Variants in EPHA4 observed in about 807,000 individuals in gnomAD.
EPHA4 encodes EPH receptor A4, also known as ephrin type-A receptor 4.
In EPHA4, 19 loss-of-function variants were observed where a neutral mutation model predicts 108.3. The observed-to-expected ratio is 0.18, with a 90% CI of 0.12 to 0.26. EPHA4 has a LOEUF of 0.26. EPHA4 is among the 10% of genes least tolerant of loss of function. The pLI is 1.00. For synonymous variants in EPHA4, 449 were observed against 455.5 expected, an observed-to-expected ratio of 0.99 and a Z score of 0.18; for missense variants, 917 against 1,254.0, an observed-to-expected ratio of 0.73 and a Z score of 4.06.
At chr2:221,463,564 A>G (rs1420380320) in intron 5 of EPHA4, among the ~76,000 whole-genome samples, 2 of 152,180 alleles carry the variant, frequency 1.3e-5, no homozygotes, top group African/African-American at 4.8e-5. Flanking sequence ...GGTGCATTTC[A>G]CAAGGAGAAA....
intron 6 of EPHA4, among the ~76,000 whole-genome samples, chr2:221,457,613 A>T (rs1691000466): frequency 6.6e-6 from 1 of 152,238 alleles, no homozygotes; most frequent in African/African-American, 2.4e-5. Context: ...AACTAAGTAA[A>T]TGATAAATTT....
intron 3 of EPHA4, among the ~76,000 whole-genome samples, chr2:221,533,246 A>C (rs940272221): frequency 2.6e-5 from 4 of 152,194 alleles, no homozygotes; most frequent in Admixed American, 2.0e-4. Context: ...ATAGCTCCAA[A>C]AACTTTTTTG....
In EPHA4 at chr2:221,536,953, G is replaced by A. The variant is rs768678337; in HGVS notation, c.823+26778C>T. On this transcript the variant is annotated intron_variant, in intron 3 of 17. Coordinates refer to ENST00000281821, the MANE Select transcript of EPHA4 (RefSeq NM_004438.5). ...AATAAAGTGCTTAGCACAAAGCCAA[G>A]TTCTCATCAGGTAAATACATAGCGA... is the stretch of plus-strand genomic sequence containing the variant. 6.0e-4 allele frequency among the ~76,000 whole-genome samples: 92 copies of A among 152,168 alleles called. 1 individual carries two copies. Among genetic ancestry groups the A allele is most frequent in the Non-Finnish European group, 1.9e-4 (13 of 68,032 alleles).
At chr2:221,526,747 T>C (rs944673130) in intron 3 of EPHA4, among the ~76,000 whole-genome samples, 10 of 150,812 alleles carry the variant, frequency 6.6e-5, no homozygotes, top group Non-Finnish European at 1.2e-4. Flanking sequence ...CTCGGGAGGC[T>C]GAGGCAGGAG....
In EPHA4 at chr2:221,514,088, CG is replaced by C. The variant is rs200867792; in HGVS notation, c.824-12917del. ...CGGACTCAGTTATACTCCTGTAAGC[CG>C]GGGGGAGGGGGTTTGAAAATCTACT... On this transcript the variant is annotated intron_variant, in intron 3 of 17. Coordinates refer to ENST00000281821, the MANE Select transcript of EPHA4 (RefSeq NM_004438.5). Among the ~76,000 whole-genome samples the C allele has an allele frequency of 1.8e-3, 207 of 118,248 alleles. 1 individual carries two copies. The highest frequency in any genetic ancestry group is 8.8e-3 in the African/African-American group (194 of 21,994). The allele number at this position is 118,248 out of a possible 152,430, so 77.6% of individuals were successfully genotyped here. A position where few individuals can be genotyped will look rare whatever the true frequency, so the allele number is the denominator to read the frequency against.
chr2:221,572,124 G>A, intron 1 of EPHA4, 34 bp downstream of exon 1: 2 of 1,586,846 alleles, frequency 1.3e-6, no homozygotes, highest in South Asian at 1.1e-5. Context: ...GCCCCTCGCT[G>A]TCCCCGACCA....
intron 4 of EPHA4, among the ~76,000 whole-genome samples, chr2:221,497,666 G>A (rs1692338970): frequency 6.6e-6 from 1 of 151,464 alleles, no homozygotes; most frequent in Non-Finnish European, 1.5e-5. Flanking sequence ...AACCCGGGAG[G>A]TGGAGGTTGC....
chr2:221,528,381 C>T (rs1253861536), intron 3 of EPHA4, among the ~76,000 whole-genome samples: 2 of 152,124 alleles, frequency 1.3e-5, no homozygotes, highest in African/African-American at 4.8e-5. Flanking sequence ...GATGCATCAG[C>T]AACAGCAATA....
intron 9 of EPHA4, among the ~76,000 whole-genome samples, 154 bp downstream of exon 9, chr2:221,445,969 A>C (rs949079674): frequency 7.2e-5 from 11 of 152,284 alleles, no homozygotes; most frequent in Non-Finnish European, 1.6e-4. Flanking sequence ...CACCCATTTC[A>C]GTTTGATACC....
chr2:221,435,860 C>T (rs778487220), intron 13 of EPHA4, among the ~76,000 whole-genome samples: 1 of 150,394 alleles, frequency 6.6e-6, no homozygotes, highest in African/African-American at 2.5e-5. Context: ...CAACTAGAAA[C>T]ATTGCTTTGT....
At chr2:221,536,379 T>C (rs1400961793) in intron 3 of EPHA4, among the ~76,000 whole-genome samples, 2 of 152,220 alleles carry the variant, frequency 1.3e-5, no homozygotes, top group African/African-American at 2.4e-5. Context: ...TTTTAATCCC[T>C]GTACTAGAAT....
intron 3 of EPHA4, chr2:221,502,429 A>T (rs1332645544): frequency 2.2e-6 from 1 of 459,066 alleles, no homozygotes; most frequent in Admixed American, 2.4e-5. Flanking sequence ...ACTTGTCTAT[A>T]CTATCAGAAA....
chr2:221,547,878 T>C (rs561326936), intron 3 of EPHA4, among the ~76,000 whole-genome samples: 23 of 152,338 alleles, frequency 1.5e-4, no homozygotes, highest in African/African-American at 4.8e-4. Context: ...TACAAGGCTG[T>C]TTAAGGATGA....
At position 221,418,650 on chromosome 2, in the gene EPHA4, A is replaced by T. The variant is rs1219164839; in HGVS notation, c.*2722T>A. 1 of 152,516 alleles carries T rather than the reference A, an allele frequency of 6.6e-6. No homozygotes were observed. Among genetic ancestry groups the T allele is most frequent in the African/African-American group, 2.4e-5 (1 of 41,456 alleles). 9.4% of individuals were successfully genotyped at this position (152,516 alleles called of 1,614,324 possible). On this transcript the variant is annotated 3_prime_UTR_variant, in exon 18 of 18. Transcript: ENST00000281821. ...AGAACATTTCACTCGTAAGATTGCT[A>T]AAAAATAACTTGGGGCCTGCATACA...
rs760249233 is a variant in EPHA4 at position 221,455,539 on chromosome 2, G to A, written c.1715+8C>T. ...GGGGGCTGCACAGTGAGTGGCTTCAGTGCTTACCTCCGGCTGATGACAAAA... is the reference window on the plus strand; with the variant it reads ...GGGGGCTGCACAGTGAGTGGCTTCAATGCTTACCTCCGGCTGATGACAAAA... On this transcript the variant is annotated splice_region_variant and intron_variant, in intron 8 of 17. Transcript: ENST00000281821. 41 of 1,610,508 alleles carry A rather than the reference G, an allele frequency of 2.5e-5. No individual in the cohort carries two copies. Among genetic ancestry groups the A allele is most frequent in the Non-Finnish European group, 3.2e-5 (38 of 1,177,016 alleles).
intron 9 of EPHA4, 111 bp from the exon 10 acceptor site, chr2:221,443,717 G>C (rs535788815): frequency 1.6e-6 from 1 of 643,596 alleles, no homozygotes; most frequent in Middle Eastern, 2.7e-4. Flanking sequence ...TTAGCTGTAC[G>C]GTCTTGACAT....
At chr2:221,496,953 C>A (rs1333750710) in intron 4 of EPHA4, among the ~76,000 whole-genome samples, 1 of 152,036 alleles carries the variant, frequency 6.6e-6, no homozygotes, top group Non-Finnish European at 1.5e-5. Context: ...TGAACCTTAA[C>A]TGTACAATAA....
intron 3 of EPHA4, among the ~76,000 whole-genome samples, chr2:221,521,018 G>A (rs575991778): frequency 6.6e-6 from 1 of 152,178 alleles, no homozygotes; most frequent in East Asian, 1.9e-4. Context: ...CCCCTTTGAC[G>A]CTTTTTAGAA....
intron 17 of EPHA4, among the ~76,000 whole-genome samples, chr2:221,424,777 T>C (rs937465711): frequency 6.6e-6 from 1 of 152,238 alleles, no homozygotes; most frequent in Non-Finnish European, 1.5e-5. Flanking sequence ...TACTTCTCCA[T>C]TGAGGTAAAC....
Sources: gnomAD v4.1 joint callset for allele counts (sites outside exome capture counted in the v4.1 genomes callset) on GRCh38, gnomAD v4.1.1 for gene constraint, MANE v1.5 for transcripts, NCBI Gene and HGNC (gene_info 2026-07-23, HGNC 2026-07-21) for gene names.